VLDLR: variants seen among roughly 807,000 people sequenced by gnomAD.
VLDLR encodes the protein very low-density lipoprotein receptor.
A neutral mutation model predicts 112.7 loss-of-function variants in VLDLR; 81 were observed. That is an observed-to-expected ratio of 0.72 (90% CI 0.60 to 0.86). VLDLR has a LOEUF of 0.86. Among genes scored for constraint, VLDLR ranks in the 40% least tolerant of loss-of-function variants. The pLI is 0.00. For synonymous variants in VLDLR, 436 were observed against 384.8 expected (o/e 1.13, Z -1.56); for missense variants, 1,237 against 1,099.4 (o/e 1.13, Z -1.77).
At chr9:2,622,772 C>G (rs984755426) in intron 1 of VLDLR, among the ~76,000 whole-genome samples, 1 of 152,220 alleles carries the variant, frequency 6.6e-6, no homozygotes, top group Non-Finnish European at 1.5e-5. Context: ...GGCCGGGCTT[C>G]AGAGTCTTCC....
At chr9:2,626,006 C>T (rs1454835681) in intron 1 of VLDLR, among the ~76,000 whole-genome samples, 2 of 152,188 alleles carry the variant, frequency 1.3e-5, no homozygotes, top group African/African-American at 2.4e-5. Flanking sequence ...TTGCTAAGTT[C>T]GTCTATTGGC....
At chr9:2,642,966 T>A (rs1263592927) in intron 4 of VLDLR, among the ~76,000 whole-genome samples, 194 bp from the exon 5 acceptor site, 1 of 152,226 alleles carries the variant, frequency 6.6e-6, no homozygotes, top group Non-Finnish European at 1.5e-5. Flanking sequence ...TCTGTTCTTC[T>A]TATTTATTGT....
At chr9:2,645,430 AG>A in intron 9 of VLDLR, 143 bp from the exon 10 acceptor site, 1 of 1,049,434 alleles carries the variant, frequency 9.5e-7, no homozygotes, top group Non-Finnish European at 1.4e-6. Flanking sequence ...TGCAGGTCCC[AG>A]GGGCAGGAAC....
In VLDLR at chr9:2,622,208, T is replaced by A. The variant is rs1816828489; in HGVS notation, c.19T>A (p.Trp7Arg). ...GGGCACCATGGGCACGTCCGCGCTCTGGGCGCTCTGGCTGCTGCTCGCGCT... is the reference window on the plus strand; with the variant it reads ...GGGCACCATGGGCACGTCCGCGCTCAGGGCGCTCTGGCTGCTGCTCGCGCT... Reference protein sequence around the residue: MGTSALWALWLLLALCW... With the variant: MGTSALRALWLLLALCW... Residue 7 changes from tryptophan to arginine, a missense_variant, in exon 1 of 19, where the codon TGG becomes AGG. Coordinates refer to ENST00000382100, the MANE Select transcript of VLDLR (RefSeq NM_003383.5). 1 of 1,502,100 alleles carries A rather than the reference T, an allele frequency of 6.7e-7. No homozygotes were observed. Among genetic ancestry groups the A allele is most frequent in the African/African-American group, 1.4e-5 (1 of 69,446 alleles). The allele number at this position is 1,502,100 out of a possible 1,614,324, so 93.0% of individuals were successfully genotyped here.
intron 9 of VLDLR, among the ~76,000 whole-genome samples, 158 bp from the exon 10 acceptor site, chr9:2,645,416 C>A (rs551150045): frequency 6.6e-6 from 1 of 152,184 alleles, no homozygotes; most frequent in Non-Finnish European, 1.5e-5. Flanking sequence ...CTGTAGGAAG[C>A]ACTTGCAGGT....
At chr9:2,630,848 G>C (rs1817317620) in intron 1 of VLDLR, among the ~76,000 whole-genome samples, 1 of 152,186 alleles carries the variant, frequency 6.6e-6, no homozygotes, top group African/African-American at 2.4e-5. Context: ...AAACTAAAAA[G>C]CTTCTGCACA....
chr9:2,654,036 G>A lies in VLDLR; in HGVS notation c.*168G>A. 1 of 658,488 alleles carries A rather than the reference G, an allele frequency of 1.5e-6. No individual in the cohort carries two copies. Among genetic ancestry groups the A allele is most frequent in the Non-Finnish European group, 2.7e-6 (1 of 376,960 alleles). 40.8% of individuals were successfully genotyped at this position (658,488 alleles called of 1,614,324 possible). On this transcript the variant is annotated 3_prime_UTR_variant, in exon 19 of 19. Transcript: ENST00000382100. ...ACTTGACCGTTTTTATATTACTTTT[G>A]TAAATATTCTTGTCCACATTCTACT...
chr9:2,638,976 G>C (rs1206225282), intron 2 of VLDLR, among the ~76,000 whole-genome samples: 1 of 152,176 alleles, frequency 6.6e-6, no homozygotes, highest in Admixed American at 6.5e-5. Context: ...CTTTCTACCT[G>C]ATGAGTTTCT....
intron 18 of VLDLR, among the ~76,000 whole-genome samples, chr9:2,653,162 A>C (rs1818429378): frequency 6.6e-6 from 1 of 152,230 alleles, no homozygotes; most frequent in Non-Finnish European, 1.5e-5. Context: ...GGGTCAACTT[A>C]AAGTCACCAC....
Position 2,656,464 on chromosome 9 carries a change from T to C in VLDLR, c.*2596T>C, listed in dbSNP as rs1277063791. On this transcript the variant is annotated 3_prime_UTR_variant, in exon 19 of 19. Transcript: ENST00000382100. ...AATTTATAAAAATAAAAGAAAAAAA[T>C]AGTTATATGACTAAACTACTAGTCA... is the stretch of plus-strand genomic sequence containing the variant. The C allele has an allele frequency of 1.3e-5, 2 of 151,834 alleles. No homozygotes were observed. The highest frequency in any genetic ancestry group is 2.9e-5 in the Non-Finnish European group (2 of 67,958). The allele number at this position is 151,834 out of a possible 1,614,324, so 9.4% of individuals were successfully genotyped here. A position where few individuals can be genotyped will look rare whatever the true frequency, so the allele number is the denominator to read the frequency against.
chr9:2,622,571 G>T (rs1373611925), intron 1 of VLDLR, among the ~76,000 whole-genome samples: 1 of 152,212 alleles, frequency 6.6e-6, no homozygotes, highest in Non-Finnish European at 1.5e-5. Context: ...CCCTCTTGAC[G>T]GGCGCCGAGG....
At chr9:2,637,286 T>C (rs797008212) in intron 2 of VLDLR, among the ~76,000 whole-genome samples, 140 of 152,348 alleles carry the variant, frequency 9.2e-4, no homozygotes, top group African/African-American at 3.1e-3. Flanking sequence ...GGTTACAATA[T>C]TTAGCTTAGT....
At position 2,632,529 on chromosome 9, in the gene VLDLR, C is replaced by T. The variant is rs1016455402; in HGVS notation, c.83-2924C>T. 6.6e-5 allele frequency among the ~76,000 whole-genome samples: 10 copies of T among 152,246 alleles called. No individual in the cohort carries two copies. In the East Asian group the frequency reaches 7.7e-4, roughly 12 times the overall value. On this transcript the variant is annotated intron_variant, in intron 1 of 18. Transcript: ENST00000382100. ...TGAAAGTATAATACTGAATTTGAGA[C>T]GTAACTTTCATGGATGGAAATAGAC...
At position 2,643,376 on chromosome 9, in the gene VLDLR, C is replaced by G; in HGVS notation, c.665C>G (p.Ser222Cys). Residue 222 changes from serine (S) to cysteine (C), a missense_variant, in exon 5 of 19, where the codon TCT (serine) becomes TGT (cysteine). Physicochemically the swap from Ser to Cys is moderately radical, Grantham distance 112. Transcript: ENST00000382100. Reference sequence around the variant, plus strand: ...GATGATGCAGACTGCTCCGACCAATCTGATGAGTCCCTGGAGCAGTGTGGC... The same window carrying G: ...GATGATGCAGACTGCTCCGACCAATGTGATGAGTCCCTGGAGCAGTGTGGC... ...CDDDADCSDQSDESLEQCGRQ... is the reference protein window; with the variant it reads ...CDDDADCSDQCDESLEQCGRQ... 1 of 1,614,178 alleles carries G rather than the reference C, an allele frequency of 6.2e-7. No homozygotes were observed. Among genetic ancestry groups the G allele is most frequent in the Non-Finnish European group, 8.5e-7 (1 of 1,180,034 alleles).
At chr9:2,623,048 C>T (rs1816907244) in intron 1 of VLDLR, among the ~76,000 whole-genome samples, 1 of 152,244 alleles carries the variant, frequency 6.6e-6, no homozygotes, top group African/African-American at 2.4e-5. Flanking sequence ...GGTTAGTTTG[C>T]TGACCCTCCT....
chr9:2,651,792 G>C, intron 16 of VLDLR, 82 bp from the exon 17 acceptor site: 1 of 1,481,204 alleles, frequency 6.8e-7, no homozygotes, highest in Non-Finnish European at 9.4e-7. Flanking sequence ...TGGATGCAAA[G>C]GTTTTGGCTC....
chr9:2,644,842 A>T lies in VLDLR; in HGVS notation c.1175A>T (p.Lys392Ile). ...CAAGFELIDR[K>I]TCGDIDECQN... ...GCTGGGTTTGAACTGATAGATAGGA[A>T]AACCTGTGGAGGTGAGTCTAAGAAG... Residue 392 changes from lysine to isoleucine, a missense_variant, in exon 8 of 19, where the codon AAA becomes ATA. Transcript: ENST00000382100. 1 of 1,614,200 alleles carries T rather than the reference A, an allele frequency of 6.2e-7. No individual in the cohort carries two copies. Among genetic ancestry groups the T allele is most frequent in the Non-Finnish European group, 8.5e-7 (1 of 1,180,044 alleles).
intron 1 of VLDLR, among the ~76,000 whole-genome samples, chr9:2,623,395 T>G (rs970646133): frequency 1.3e-5 from 2 of 152,240 alleles, no homozygotes; most frequent in Non-Finnish European, 2.9e-5. Flanking sequence ...TGCAGGGAAT[T>G]GGGACTGAAA....
At chr9:2,633,047 A>AGT (rs780332222) in intron 1 of VLDLR, among the ~76,000 whole-genome samples, 22,537 of 94,584 alleles carry the variant, frequency 0.24, 2,071 homozygotes, top group East Asian at 0.38. Flanking sequence ...AGAGAGAGAG[A>AGT]GAGAGTGTGT....
Sources: gnomAD v4.1 joint callset for allele counts (sites outside exome capture counted in the v4.1 genomes callset) on GRCh38, gnomAD v4.1.1 for gene constraint, MANE v1.5 for transcripts, NCBI Gene and HGNC (gene_info 2026-07-23, HGNC 2026-07-21) for gene names.